LONRF1: variants seen among roughly 807,000 people sequenced by gnomAD.
LONRF1 encodes LON peptidase N-terminal domain and ring finger 1.
A neutral mutation model predicts 85.8 loss-of-function variants in LONRF1; 37 were observed. That is an observed-to-expected ratio of 0.43 (90% CI 0.33 to 0.57). LONRF1 has a LOEUF of 0.57. Among genes scored for constraint, LONRF1 ranks in the 20% least tolerant of loss-of-function variants. LONRF1 has a pLI of 0.04. For missense variants in LONRF1, 1,036 were observed against 978.0 expected, an observed-to-expected ratio of 1.06 and a Z score of -0.79; for synonymous variants, 517 against 390.1, an observed-to-expected ratio of 1.33 and a Z score of -3.83.
At chr8:12,754,050 A>T (rs1799522571) in intron 1 of LONRF1, 1 of 152,222 alleles carries the variant, frequency 6.6e-6, no homozygotes, top group Non-Finnish European at 1.5e-5. Flanking sequence ...CCAAGCCCCA[A>T]GCCCGGCGGC....
chr8:12,744,967 C>T (rs1327798604), intron 1 of LONRF1, among the ~76,000 whole-genome samples: 1 of 152,048 alleles, frequency 6.6e-6, no homozygotes, highest in Non-Finnish European at 1.5e-5. Flanking sequence ...AATATTTCCC[C>T]TTTTATCCAT....
At position 12,722,308 on chromosome 8, in the gene LONRF1, G is replaced by T. The variant is rs879723141; in HGVS notation, c.*788C>A. The T allele has an allele frequency of 3.9e-5, 6 of 152,526 alleles. No individual in the cohort carries two copies. Among genetic ancestry groups the T allele is most frequent in the Non-Finnish European group, 7.3e-5 (5 of 68,030 alleles). 9.4% of individuals were successfully genotyped at this position (152,526 alleles called of 1,614,324 possible). A position where few individuals can be genotyped will look rare whatever the true frequency, so the allele number is the denominator to read the frequency against. ...CCCCCTAAAATGTACAAACTAACTG[G>T]TACTGAATTGAGTTCTCCCTTTACC... On this transcript the variant is annotated 3_prime_UTR_variant, in exon 12 of 12. Transcript: ENST00000398246.
At chr8:12,733,715 A>C (rs1000220036) in intron 7 of LONRF1, among the ~76,000 whole-genome samples, 1 of 152,208 alleles carries the variant, frequency 6.6e-6, no homozygotes, top group African/African-American at 2.4e-5. Context: ...ACAACAAAGA[A>C]ATGTTAAATC....
At chr8:12,747,832 G>A (rs1678195492) in intron 1 of LONRF1, among the ~76,000 whole-genome samples, 1 of 151,818 alleles carries the variant, frequency 6.6e-6, no homozygotes, top group Non-Finnish European at 1.5e-5. Context: ...GTGGCACTCA[G>A]CACAAGGGCC....
chr8:12,724,958 C>T (rs185633056), intron 11 of LONRF1, among the ~76,000 whole-genome samples: 8 of 152,226 alleles, frequency 5.3e-5, no homozygotes, highest in African/African-American at 1.9e-4. Flanking sequence ...TCTATTATCT[C>T]TCCATCTTCA....
intron 1 of LONRF1, among the ~76,000 whole-genome samples, chr8:12,743,503 G>T (rs1397661332): frequency 6.6e-6 from 1 of 152,086 alleles, no homozygotes; most frequent in Non-Finnish European, 1.5e-5. Flanking sequence ...CATTTTAGTG[G>T]AGGAAACTGT....
In LONRF1 at chr8:12,743,292, A is replaced by G; in HGVS notation, c.722-10T>C. 7.2e-7 allele frequency: 1 copy of G among 1,389,302 alleles called. No homozygotes were observed. Among genetic ancestry groups the G allele is most frequent in the Non-Finnish European group, 1.0e-6 (1 of 982,236 alleles). The allele number at this position is 1,389,302 out of a possible 1,614,324, so 86.1% of individuals were successfully genotyped here. A position where few individuals can be genotyped will look rare whatever the true frequency, so the allele number is the denominator to read the frequency against. ...ATCAAGTCACTGGGTTCTGAAATAA[A>G]TATTTTATAAGGATATGATTATTTT... On this transcript the variant is annotated splice_polypyrimidine_tract_variant and intron_variant, in intron 1 of 11. Transcript: ENST00000398246.
Position 12,729,218 on chromosome 8 carries a change from A to C in LONRF1, c.1803T>G (p.Thr601=). The C allele has an allele frequency of 6.2e-7, 1 of 1,614,042 alleles. No homozygotes were observed. Among genetic ancestry groups the C allele is most frequent in the Non-Finnish European group, 8.5e-7 (1 of 1,179,918 alleles). Reference sequence around the variant, plus strand: ...CACACATGCCAAACTGTTTGGTTCCAGTCTGTATACTTCTTCGAATCATCA... The same window carrying C: ...CACACATGCCAAACTGTTTGGTTCCCGTCTGTATACTTCTTCGAATCATCA... ...YRLMIRRSIQ[T]GTKQFGMCVS... Residue 601 remains threonine (T), a synonymous_variant, in exon 9 of 12, where the codon ACT becomes ACG. Coordinates refer to ENST00000398246, the MANE Select transcript of LONRF1 (RefSeq NM_152271.5).
intron 8 of LONRF1, among the ~76,000 whole-genome samples, chr8:12,731,287 C>T (rs1381421365): frequency 1.3e-5 from 2 of 152,164 alleles, no homozygotes; most frequent in East Asian, 3.8e-4. Flanking sequence ...GAACACCCCT[C>T]TTCCAATTTC....
Position 12,725,889 on chromosome 8 carries a change from CA to C in LONRF1, c.2011-11del, listed in dbSNP as rs1374663007. The C allele has an allele frequency of 6.2e-7, 1 of 1,602,856 alleles. No individual in the cohort carries two copies. Among genetic ancestry groups the C allele is most frequent in the Non-Finnish European group, 8.5e-7 (1 of 1,173,946 alleles). ...CATCTTCATTCTCAACCTAGAAATA[CA>C]ATAGTCAGTAAGACTTCTGTGTCTA... is the stretch of plus-strand genomic sequence containing the variant. On this transcript the variant is annotated splice_polypyrimidine_tract_variant and intron_variant, in intron 10 of 11. Coordinates refer to ENST00000398246, the MANE Select transcript of LONRF1 (RefSeq NM_152271.5).
chr8:12,746,344 C>T (rs1338681917), intron 1 of LONRF1, among the ~76,000 whole-genome samples: 1 of 152,142 alleles, frequency 6.6e-6, no homozygotes, highest in South Asian at 2.1e-4. Flanking sequence ...ACTCAAAGTC[C>T]CAACCATACC....
intron 1 of LONRF1, among the ~76,000 whole-genome samples, chr8:12,744,853 A>C (rs1563153743): frequency 6.8e-6 from 1 of 146,112 alleles, no homozygotes; most frequent in Non-Finnish European, 1.5e-5. Flanking sequence ...CTACTGCAAC[A>C]AGCAGCCCAT....
intron 10 of LONRF1, among the ~76,000 whole-genome samples, chr8:12,728,473 C>T (rs371128594): frequency 2.6e-5 from 4 of 152,176 alleles, no homozygotes; most frequent in African/African-American, 4.8e-5. Flanking sequence ...ACATTTACAT[C>T]AAATTTCAAT....
At chr8:12,724,655 G>A (rs1166005289) in intron 11 of LONRF1, among the ~76,000 whole-genome samples, 1 of 152,210 alleles carries the variant, frequency 6.6e-6, no homozygotes, top group East Asian at 1.9e-4. Context: ...GGCAAGGGTG[G>A]TGAAGGTGAT....
chr8:12,755,334 T>C lies in LONRF1; in HGVS notation c.87A>G (p.Glu29=). 2 of 1,245,738 alleles carry C rather than the reference T, an allele frequency of 1.6e-6. No individual in the cohort carries two copies. Among genetic ancestry groups the C allele is most frequent in the South Asian group, 2.5e-5 (1 of 39,722 alleles). 77.2% of individuals were successfully genotyped at this position (1,245,738 alleles called of 1,614,324 possible). A position where few individuals can be genotyped will look rare whatever the true frequency, so the allele number is the denominator to read the frequency against. The part of the protein sequence containing the change: ...PAPQGRGRFW[E]VGGGSGHRLE... ...GCCGATGGCCGCTGCCGCCGCCCACTTCCCAGAACCGGCCTCGGCCCTGCG... is the reference window on the plus strand; with the variant it reads ...GCCGATGGCCGCTGCCGCCGCCCACCTCCCAGAACCGGCCTCGGCCCTGCG... The change falls in exon 1 of 12, where the codon GAA becomes GAG. Residue 29 remains glutamate, a synonymous_variant. Coordinates refer to ENST00000398246, the MANE Select transcript of LONRF1 (RefSeq NM_152271.5).
At chr8:12,726,699 T>C (rs1798321221) in intron 10 of LONRF1, among the ~76,000 whole-genome samples, 1 of 152,226 alleles carries the variant, frequency 6.6e-6, no homozygotes, top group African/African-American at 2.4e-5. Context: ...CTGTCTCATA[T>C]GCACAAACTC....
At chr8:12,731,198 C>T (rs575941084) in intron 8 of LONRF1, among the ~76,000 whole-genome samples, 1 of 152,264 alleles carries the variant, frequency 6.6e-6, no homozygotes, top group South Asian at 2.1e-4. Context: ...CCCAAAGTTG[C>T]CTCCGAGATT....
At chr8:12,723,320 A>C in intron 11 of LONRF1, 66 bp from the exon 12 acceptor site, 1 of 1,463,186 alleles carries the variant, frequency 6.8e-7, no homozygotes, top group South Asian at 1.3e-5. Context: ...GTAGCAAACC[A>C]CCAAAAAATT....
intron 4 of LONRF1, chr8:12,737,388 A>T (rs955538393): frequency 1.1e-5 from 7 of 656,608 alleles, no homozygotes; most frequent in East Asian, 3.0e-5. Context: ...TCTAAAAAAA[A>T]GCCTGAACAT....
Sources: gnomAD v4.1 joint callset for allele counts (sites outside exome capture counted in the v4.1 genomes callset) on GRCh38, gnomAD v4.1.1 for gene constraint, MANE v1.5 for transcripts, NCBI Gene and HGNC (gene_info 2026-07-23, HGNC 2026-07-21) for gene names.